ARHGAP32: variants seen among roughly 807,000 people sequenced by gnomAD.
ARHGAP32 encodes the protein Rho GTPase activating protein 32.
Under a neutral mutation model 186.5 loss-of-function variants are expected in ARHGAP32, and 51 were observed. The observed-to-expected ratio is 0.27, with a 90% CI of 0.22 to 0.35. ARHGAP32 has a LOEUF of 0.35. Ranked by LOEUF, ARHGAP32 falls within the 10% of genes least tolerant of loss-of-function variation. The pLI, the probability that ARHGAP32 is intolerant of heterozygous loss-of-function variation, is 1.00. For missense variants in ARHGAP32, 2,186 were observed against 2,623.5 expected (o/e 0.83, Z 3.64); for synonymous variants, 950 against 964.3 (o/e 0.99, Z 0.27).
At chr11:129,192,743 T>C (rs1464089460), upstream of ARHGAP32, among the ~76,000 whole-genome samples, 1 of 152,130 alleles carries the variant, frequency 6.6e-6, no homozygotes, top group African/African-American at 2.4e-5. Context: ...CTTCCAATAT[T>C]ACACCCATCT....
chr11:129,059,204 C>T (rs559779496), intron 10 of ARHGAP32, among the ~76,000 whole-genome samples: 1 of 152,314 alleles, frequency 6.6e-6, no homozygotes, highest in African/African-American at 2.4e-5. Context: ...ATCTCAGTCC[C>T]TACTCCCTTC....
chr11:129,117,037 AG>A (rs1399510655), intron 5 of ARHGAP32, among the ~76,000 whole-genome samples: 5 of 152,058 alleles, frequency 3.3e-5, no homozygotes, highest in African/African-American at 1.2e-4. Flanking sequence ...AAATTACTTA[AG>A]GTTACACTGC....
At chr11:129,070,820 A>T (rs1423778889) in intron 6 of ARHGAP32, among the ~76,000 whole-genome samples, 1 of 151,956 alleles carries the variant, frequency 6.6e-6, no homozygotes. Context: ...AAAAATAATG[A>T]CTTAAAAATT....
At chr11:129,168,938 G>A (rs1467032623) in intron 1 of ARHGAP32, among the ~76,000 whole-genome samples, 1 of 151,986 alleles carries the variant, frequency 6.6e-6, no homozygotes, top group Non-Finnish European at 1.5e-5. Context: ...AATCACAATG[G>A]AAATTAGAAA....
At chr11:129,124,359 C>T (rs1942607661) in intron 3 of ARHGAP32, among the ~76,000 whole-genome samples, 1 of 152,256 alleles carries the variant, frequency 6.6e-6, no homozygotes, top group Middle Eastern at 3.4e-3. Flanking sequence ...TTTTGGAGCA[C>T]TTTGGATTTC....
intron 1 of ARHGAP32, among the ~76,000 whole-genome samples, chr11:129,219,316 A>G (rs1285951677): frequency 6.6e-6 from 1 of 152,196 alleles, no homozygotes; most frequent in Non-Finnish European, 1.5e-5. Context: ...TATCCATGCT[A>G]TTGAGATAGT....
At chr11:129,088,473 G>T (rs917819830) in intron 6 of ARHGAP32, among the ~76,000 whole-genome samples, 21 of 152,052 alleles carry the variant, frequency 1.4e-4, no homozygotes, top group Admixed American at 1.4e-3. Flanking sequence ...TCAGATACTC[G>T]GGAGGCTGAG....
intron 6 of ARHGAP32, among the ~76,000 whole-genome samples, chr11:129,086,017 C>CAAAAA (rs60940372): frequency 3.9e-5 from 5 of 127,918 alleles, no homozygotes; most frequent in Non-Finnish European, 3.4e-5. Flanking sequence ...AACAAACAAA[C>CAAAAA]AAAAAAAAAA....
Position 129,229,511 on chromosome 11 carries a change from C to T in ARHGAP32, c.-5+49635G>A, listed in dbSNP as rs371334615. On this transcript the variant is annotated intron_variant, in intron 1 of 6. Coordinates refer to the ARHGAP32 transcript ENST00000525234. Reference sequence around the variant, plus strand: ...CAATTATCAAAGAGCTAATTCATATCGTTTTTACACTATGTTAAGTCTATA... The same window carrying T: ...CAATTATCAAAGAGCTAATTCATATTGTTTTTACACTATGTTAAGTCTATA... Among the ~76,000 whole-genome samples the T allele has an allele frequency of 5.9e-5, 9 of 152,216 alleles. No individual in the cohort carries two copies. In the South Asian group the frequency reaches 1.0e-3, roughly 18 times the overall value.
At chr11:129,254,366 CA>C (rs753954227) in intron 1 of ARHGAP32, among the ~76,000 whole-genome samples, 21 of 152,166 alleles carry the variant, frequency 1.4e-4, no homozygotes, top group Non-Finnish European at 3.1e-4. Context: ...CACTGCATCC[CA>C]AAGGCTCACT....
In ARHGAP32 at chr11:128,968,120, C is replaced by G. The variant is rs953667271; in HGVS notation, c.*787G>C. 1 of 151,896 alleles carries G rather than the reference C, an allele frequency of 6.6e-6. No homozygotes were observed. Among genetic ancestry groups the G allele is most frequent in the Non-Finnish European group, 1.5e-5 (1 of 67,994 alleles). 9.4% of individuals were successfully genotyped at this position (151,896 alleles called of 1,614,324 possible). On this transcript the variant is annotated 3_prime_UTR_variant, in exon 23 of 23. Transcript: ENST00000682385. ...TAATAAAGTTCACTGACAATAAGAA[C>G]TTTACTTTCTTCCACCTAAAGAAGT...
chr11:129,221,723 T>C (rs1379651218), intron 1 of ARHGAP32, among the ~76,000 whole-genome samples: 3 of 151,740 alleles, frequency 2.0e-5, no homozygotes, highest in African/African-American at 4.8e-5. Context: ...CTGAGGCCAA[T>C]AGTGGGCAAG....
chr11:128,973,421 G>T lies in ARHGAP32; in HGVS notation c.3085C>A (p.His1029Asn). The T allele has an allele frequency of 1.2e-6, 2 of 1,613,322 alleles. No individual in the cohort carries two copies. Among genetic ancestry groups the T allele is most frequent in the Non-Finnish European group, 1.7e-6 (2 of 1,179,540 alleles). ...GGAACGGAATCCTGAGGGGGGTCATGGGTAACTGCTCCTAGTGGGAAATTG... is the reference window on the plus strand; with the variant it reads ...GGAACGGAATCCTGAGGGGGGTCATTGGTAACTGCTCCTAGTGGGAAATTG... ...SGQTQTGAVT[H>N]DPPQDSVPVS... Residue 1029 changes from histidine (H) to asparagine (N), a missense_variant, in exon 22 of 23, where the codon CAT becomes AAT. Transcript: ENST00000682385.
chr11:129,181,143 C>T (rs376836521), intron 1 of ARHGAP32, among the ~76,000 whole-genome samples: 23 of 152,108 alleles, frequency 1.5e-4, no homozygotes, highest in Non-Finnish European at 2.5e-4. Flanking sequence ...TCTATTCTTC[C>T]GATCGGTTTT....
Position 129,192,264 on chromosome 11 carries a change from T to C in ARHGAP32, c.-66A>G. On this transcript the variant is annotated 5_prime_UTR_variant, in exon 1 of 23. Transcript: ENST00000682385. ...GGAATAAAAAGCACCAACATTCAGG[T>C]TGTTCAGCTCTACTCATGTATACTC... The C allele has an allele frequency of 8.8e-7, 1 of 1,142,050 alleles. No homozygotes were observed. The highest frequency in any genetic ancestry group is 2.3e-5 in the East Asian group (1 of 42,630). 70.7% of individuals were successfully genotyped at this position (1,142,050 alleles called of 1,614,324 possible). A position where few individuals can be genotyped will look rare whatever the true frequency, so the allele number is the denominator to read the frequency against.
chr11:129,137,646 A>G (rs1462979951), intron 2 of ARHGAP32, among the ~76,000 whole-genome samples: 1 of 152,022 alleles, frequency 6.6e-6, no homozygotes, highest in Non-Finnish European at 1.5e-5. Flanking sequence ...ATGTCACTAA[A>G]AACTAAGGTT....
intron 1 of ARHGAP32, among the ~76,000 whole-genome samples, chr11:129,237,380 T>C (rs984014849): frequency 6.6e-6 from 1 of 152,204 alleles, no homozygotes; most frequent in Non-Finnish European, 1.5e-5. Context: ...TCCTAGCTGA[T>C]GAGAAAACTT....
At chr11:129,231,297 T>C (rs747573679) in intron 1 of ARHGAP32, among the ~76,000 whole-genome samples, 3 of 152,204 alleles carry the variant, frequency 2.0e-5, no homozygotes, top group Non-Finnish European at 2.9e-5. Context: ...ATAATTTTGT[T>C]TTCTGATTAC....
chr11:129,148,508 C>G (rs1021246686), intron 2 of ARHGAP32, among the ~76,000 whole-genome samples: 2 of 152,210 alleles, frequency 1.3e-5, no homozygotes, highest in African/African-American at 4.8e-5. Flanking sequence ...AACTATACCT[C>G]ACAGGGGCCT....
Sources: gnomAD v4.1 joint callset for allele counts (sites outside exome capture counted in the v4.1 genomes callset) on GRCh38, gnomAD v4.1.1 for gene constraint, MANE v1.5 for transcripts, NCBI Gene and HGNC (gene_info 2026-07-23, HGNC 2026-07-21) for gene names.